The following HERC3 variants were observed in gnomAD, a reference collection of about 807,000 sequenced individuals.
HERC3 encodes probable E3 ubiquitin-protein ligase HERC3.
HERC3 carries 58 observed loss-of-function variants against 129.9 expected under a neutral mutation model. The ratio of observed to expected loss-of-function variants is 0.45; its 90% CI spans 0.36 to 0.56. The LOEUF (loss-of-function observed/expected upper bound fraction) is 0.56. Ranked by LOEUF, HERC3 falls within the 20% of genes least tolerant of loss-of-function variation. The pLI is 0.00. For synonymous variants in HERC3, 430 were observed against 451.0 expected, an observed-to-expected ratio of 0.95 and a Z score of 0.59; for missense variants, 835 against 1,244.2, an observed-to-expected ratio of 0.67 and a Z score of 4.95.
At chr4:88,608,675 CTTCT>C (rs903831025) in intron 3 of HERC3, among the ~76,000 whole-genome samples, 1 of 152,176 alleles carries the variant, frequency 6.6e-6, no homozygotes, top group Non-Finnish European at 1.5e-5. Flanking sequence ...AAAACCAAGT[CTTCT>C]TTCTTTTCCT....
chr4:88,600,285 GT>G (rs1223196667), intron 2 of HERC3, among the ~76,000 whole-genome samples: 1 of 152,152 alleles, frequency 6.6e-6, no homozygotes, highest in Non-Finnish European at 1.5e-5. Flanking sequence ...ATATAGTTAG[GT>G]TCTGTAAAGT....
At chr4:88,581,921 CAT>C in the HERC3 span, among the ~76,000 whole-genome samples, 1 of 152,074 alleles carries the variant, frequency 6.6e-6, no homozygotes, top group Non-Finnish European at 1.5e-5. Flanking sequence ...CTAGTTGAGA[CAT>C]AAAAAAGGTA....
rs560151196 is a variant in HERC3 at position 88,662,241 on chromosome 4, G to A, written c.1147-190G>A. Among the ~76,000 whole-genome samples the A allele has an allele frequency of 1.1e-4, 16 of 152,282 alleles. No individual in the cohort carries two copies. The South Asian group carries it at 3.1e-3, about 30-fold the overall frequency. On this transcript the variant is annotated intron_variant, in intron 10 of 25. Coordinates refer to ENST00000402738, the MANE Select transcript of HERC3 (RefSeq NM_014606.3). ...ATAGTGAAGCAACAGTCAATGCCAA[G>A]TCCTGGACAGCAACCCAGCTGGGAT...
chr4:88,653,208 C>T, intron 6 of HERC3, 118 bp downstream of exon 6: 3 of 974,988 alleles, frequency 3.1e-6, no homozygotes, highest in Non-Finnish European at 4.7e-6. Context: ...AAGCAGTGAA[C>T]ACAATAGAGA....
chr4:88,693,773 T>C lies in HERC3; in HGVS notation c.2657+6474T>C, dbSNP rs1052260116. On this transcript the variant is annotated intron_variant, in intron 23 of 25. Transcript: ENST00000402738. ...AGCATCGGCATGCCAGTTTTCTGCG[T>C]AATACTCAGAGAGTTGGTTGAGTGT... The C allele has an allele frequency of 3.7e-5, 25 of 677,104 alleles. No homozygotes were observed. The East Asian group carries it at 2.7e-3, about 73-fold the overall frequency. The allele number at this position is 677,104 out of a possible 1,614,324, so 41.9% of individuals were successfully genotyped here. A position where few individuals can be genotyped will look rare whatever the true frequency, so the allele number is the denominator to read the frequency against.
At chr4:88,675,662 C>T (rs907328105) in intron 16 of HERC3, among the ~76,000 whole-genome samples, 1 of 151,542 alleles carries the variant, frequency 6.6e-6, no homozygotes, top group African/African-American at 2.4e-5. Flanking sequence ...GGTGCATTCA[C>T]GTATTGATGG....
chr4:88,548,274 A>G, the HERC3 span, among the ~76,000 whole-genome samples: 1 of 152,174 alleles, frequency 6.6e-6, no homozygotes. Context: ...AAATTTCCAG[A>G]CTGTTTTCCA....
chr4:88,617,901 G>A (rs980950016), intron 3 of HERC3, among the ~76,000 whole-genome samples: 3 of 151,858 alleles, frequency 2.0e-5, no homozygotes, highest in African/African-American at 7.2e-5. Context: ...AAAACAGGGA[G>A]TGCAGAAAAG....
At chr4:88,705,910 TCTC>T (rs1735739083) in intron 25 of HERC3, among the ~76,000 whole-genome samples, 1 of 152,174 alleles carries the variant, frequency 6.6e-6, no homozygotes, top group Non-Finnish European at 1.5e-5. Flanking sequence ...AGGGACCACT[TCTC>T]CTCTGCCTGG....
rs558927566 is a variant in HERC3, at chr4:88,606,253, C to CT, written c.226+220dup. Among the ~76,000 whole-genome samples the CT allele has an allele frequency of 7.0e-3, 952 of 135,336 alleles. 6 individuals carry two copies. Among genetic ancestry groups the CT allele is most frequent in the Middle Eastern group, 0.04 (10 of 250 alleles). 88.8% of individuals were successfully genotyped at this position (135,336 alleles called of 152,430 possible). A position where few individuals can be genotyped will look rare whatever the true frequency, so the allele number is the denominator to read the frequency against. ...GAAAAGCAGACTTTTCTTTTCTTTT[C>CT]TTTTTTTTTTTTTTTTGAGATATGG... is the stretch of plus-strand genomic sequence containing the variant. On this transcript the variant is annotated intron_variant, in intron 3 of 25. Transcript: ENST00000402738.
At chr4:88,665,797 C>A (rs775521613) in intron 12 of HERC3, among the ~76,000 whole-genome samples, 4 of 152,148 alleles carry the variant, frequency 2.6e-5, no homozygotes, top group African/African-American at 4.8e-5. Flanking sequence ...ATAATTAAGG[C>A]AGCTGGGATG....
the HERC3 span, among the ~76,000 whole-genome samples, chr4:88,563,974 T>G: frequency 2.0e-5 from 3 of 152,204 alleles, no homozygotes; most frequent in Admixed American, 1.3e-4. Context: ...TTATATCCAG[T>G]TTTTTTGAGG....
intron 23 of HERC3, chr4:88,693,695 C>T (rs919035550): frequency 9.3e-5 from 92 of 984,138 alleles, no homozygotes; most frequent in Non-Finnish European, 1.1e-4. Flanking sequence ...TATGTGTATG[C>T]ATTGAGTGTA....
chr4:88,690,221 T>C (rs886704278), intron 23 of HERC3: 27 of 977,436 alleles, frequency 2.8e-5, no homozygotes, highest in Non-Finnish European at 3.0e-5. Context: ...CAGTAAATAA[T>C]TTATCTTCAG....
chr4:88,653,110 G>A lies in HERC3; in HGVS notation c.685+20G>A, dbSNP rs373803938. ...AAAAAGGTAGGTAAACCCTTCATAT[G>A]TATGTATTTAGTTTAAAAGCACATT... On this transcript the variant is annotated intron_variant, in intron 6 of 25. Coordinates refer to ENST00000402738, the MANE Select transcript of HERC3 (RefSeq NM_014606.3). 9 of 1,609,654 alleles carry A rather than the reference G, an allele frequency of 5.6e-6. No homozygotes were observed. Among genetic ancestry groups the A allele is most frequent in the Non-Finnish European group, 7.7e-6 (9 of 1,176,324 alleles).
chr4:88,706,923 A>G lies in HERC3; in HGVS notation c.3116A>G (p.Gln1039Arg), dbSNP rs780639185. The G allele has an allele frequency of 6.2e-7, 1 of 1,614,188 alleles. No individual in the cohort carries two copies. Among genetic ancestry groups the G allele is most frequent in the Non-Finnish European group, 8.5e-7 (1 of 1,180,026 alleles). ...GAGATTCTGAGTGCCCGGCTGACCCAGGCCCTTGACAACTATGAAGGGTTT... is the reference window on the plus strand; with the variant it reads ...GAGATTCTGAGTGCCCGGCTGACCCGGGCCCTTGACAACTATGAAGGGTTT... Reference protein sequence around the residue: ...SKEILSARLTQALDNYEGFSL... With the variant: ...SKEILSARLTRALDNYEGFSL... The change falls in exon 26 of 26, where the codon CAG (glutamine) becomes CGG (arginine). Residue 1039 changes from glutamine to arginine, a missense_variant. Gln to Arg is a conservative substitution (Grantham distance 43). Coordinates refer to ENST00000402738, the MANE Select transcript of HERC3 (RefSeq NM_014606.3).
the HERC3 span, among the ~76,000 whole-genome samples, chr4:88,573,048 T>C: frequency 6.6e-6 from 1 of 152,202 alleles, no homozygotes; most frequent in Non-Finnish European, 1.5e-5. Flanking sequence ...AAGTATTCAC[T>C]GGATTTTAAT....
chr4:88,559,332 C>G, the HERC3 span, among the ~76,000 whole-genome samples: 25,081 of 152,040 alleles, frequency 0.16, 2,367 homozygotes, highest in Admixed American at 0.25. Context: ...ATTTTATTAC[C>G]TATAATTCTC....
intron 25 of HERC3, among the ~76,000 whole-genome samples, 158 bp from the exon 26 acceptor site, chr4:88,706,593 CT>C (rs1735801986): frequency 6.6e-6 from 1 of 151,594 alleles, no homozygotes; most frequent in South Asian, 2.1e-4. Context: ...TTAACGGCAT[CT>C]AATTTTCATT....
Sources: allele counts gnomAD v4.1 joint callset (sites outside exome capture counted in the v4.1 genomes callset), GRCh38; gene constraint gnomAD v4.1.1; transcripts MANE v1.5; gene names NCBI Gene and HGNC (gene_info 2026-07-23, HGNC 2026-07-21).